ZFP30: variants seen among roughly 807,000 people sequenced by gnomAD.
ZFP30 encodes zinc finger protein 30 homolog.
ZFP30 carries 16 observed loss-of-function variants against 12.3 expected under a neutral mutation model. The observed-to-expected ratio is 1.30, with a 90% CI of 0.88 to 1.98. The LOEUF (loss-of-function observed/expected upper bound fraction) is 1.98. Ranked by LOEUF, ZFP30 falls within the 30% of genes most tolerant of loss-of-function variation. The probability of loss-of-function intolerance (pLI) is 0.00; values close to 1 mark genes in which losing one functional copy is unlikely to be tolerated. For missense variants in ZFP30, 560 were observed against 611.2 expected (o/e 0.92, Z 0.88); for synonymous variants, 172 against 201.0 (o/e 0.86, Z 1.22).
rs1360557779 is a variant in ZFP30, at chr19:37,644,635, C to T, written c.111G>A (p.Glu37=). Residue 37 remains glutamate, a synonymous_variant, in exon 4 of 6, where the codon GAG becomes GAA. Coordinates refer to ENST00000684514, the MANE Select transcript of ZFP30 (RefSeq NM_001320669.3). ...QRNLYRDVIL[E]NYSNLVSLAG... ...CCAGTGACACCAAGTTGCTATAGTT[C>T]TCTAATATCACATCTCTGTACAAAT... 3 of 1,609,036 alleles carry T rather than the reference C, an allele frequency of 1.9e-6. No homozygotes were observed. The highest frequency in any genetic ancestry group is 2.7e-5 in the African/African-American group (2 of 74,582).
intron 2 of ZFP30, among the ~76,000 whole-genome samples, 178 bp downstream of exon 2, chr19:37,654,534 G>A (rs62108289): frequency 0.072 from 11,019 of 152,172 alleles, 566 homozygotes; most frequent in African/African-American, 0.13. Flanking sequence ...TCTAACTATA[G>A]AACAGCATGA....
intron 3 of ZFP30, among the ~76,000 whole-genome samples, chr19:37,646,196 G>T (rs1178574535): frequency 3.3e-5 from 5 of 152,088 alleles, no homozygotes; most frequent in Non-Finnish European, 7.4e-5. Context: ...CATAAATATA[G>T]GGTTCCATAC....
chr19:37,641,250 C>T (rs764871209), intron 5 of ZFP30, among the ~76,000 whole-genome samples: 3 of 152,218 alleles, frequency 2.0e-5, no homozygotes, highest in Admixed American at 1.3e-4. Flanking sequence ...ATCAATGTTC[C>T]TCTCTTTGAA....
intron 2 of ZFP30, among the ~76,000 whole-genome samples, chr19:37,652,798 G>T (rs994038491): frequency 7.2e-5 from 11 of 151,956 alleles, no homozygotes; most frequent in African/African-American, 2.7e-4. Context: ...TAAATGACTG[G>T]GAAGATAGGC....
chr19:37,645,676 T>G (rs2054120401), intron 3 of ZFP30, among the ~76,000 whole-genome samples: 1 of 151,572 alleles, frequency 6.6e-6, no homozygotes, highest in South Asian at 2.1e-4. Context: ...TGAAATAGGT[T>G]CATAGGAACA....
intron 5 of ZFP30, among the ~76,000 whole-genome samples, chr19:37,641,955 T>C (rs2044444360): frequency 1.3e-5 from 2 of 152,336 alleles, no homozygotes; most frequent in South Asian, 4.1e-4. Context: ...CTCTGTCTTC[T>C]TCCCGTAAGT....
At chr19:37,640,590 TAAA>T (rs1281289135) in intron 5 of ZFP30, among the ~76,000 whole-genome samples, 5 of 151,300 alleles carry the variant, frequency 3.3e-5, no homozygotes, top group Non-Finnish European at 2.9e-5. Context: ...CAGCTTTAAT[TAAA>T]AATAAAATAG....
At position 37,631,740 on chromosome 19, in the gene ZFP30, G is replaced by C. The variant is rs976046421; in HGVS notation, c.*3241C>G. ...ATTGAGATGATACTGGGCCAGAATC[G>C]TATCTCTTTTACTATCATTATGATG... On this transcript the variant is annotated 3_prime_UTR_variant, in exon 6 of 6. Transcript: ENST00000684514. 3 of 149,300 alleles carry C rather than the reference G, an allele frequency of 2.0e-5. No homozygotes were observed. Among genetic ancestry groups the C allele is most frequent in the Admixed American group, 6.7e-5 (1 of 15,016 alleles). 9.2% of individuals were successfully genotyped at this position (149,300 alleles called of 1,614,324 possible).
chr19:37,645,200 G>A (rs534138371), intron 3 of ZFP30, among the ~76,000 whole-genome samples: 21 of 150,594 alleles, frequency 1.4e-4, no homozygotes, highest in African/African-American at 4.9e-4. Flanking sequence ...GCGACAGAGC[G>A]AGACTCCGTC....
At chr19:37,648,978 C>T (rs867132786) in intron 2 of ZFP30, among the ~76,000 whole-genome samples, 2 of 152,280 alleles carry the variant, frequency 1.3e-5, no homozygotes, top group Middle Eastern at 3.4e-3. Flanking sequence ...TGGCTCATGC[C>T]TGTAGTCCCA....
In ZFP30 at chr19:37,635,938, G is replaced by A. The variant is rs754846273; in HGVS notation, c.603C>T (p.Leu201=). 1.2e-6 allele frequency: 2 copies of A among 1,613,840 alleles called. No individual in the cohort carries two copies. Among genetic ancestry groups the A allele is most frequent in the Non-Finnish European group, 1.7e-6 (2 of 1,179,952 alleles). ...AAGTATGAATTCTCTGATGTCGACT[G>A]AGGTGGGCACACTGTCTAAAGGCTT... ...CGKAFRQCAH[L]SRHQRIHTSD... is the part of the protein sequence containing the mutation. The change falls in exon 6 of 6, where the codon CTC becomes CTT. Residue 201 remains leucine, a synonymous_variant. Coordinates refer to ENST00000684514, the MANE Select transcript of ZFP30 (RefSeq NM_001320669.3).
intron 2 of ZFP30, among the ~76,000 whole-genome samples, chr19:37,650,993 C>T (rs1385915841): frequency 6.6e-6 from 1 of 152,036 alleles, no homozygotes; most frequent in Non-Finnish European, 1.5e-5. Context: ...CCACCAGCCT[C>T]GGCCTCCCAA....
At chr19:37,649,830 A>G (rs1568387332) in intron 2 of ZFP30, among the ~76,000 whole-genome samples, 1 of 70,898 alleles carries the variant, frequency 1.4e-5, no homozygotes, top group Non-Finnish European at 3.8e-5. Flanking sequence ...TCTTAAAAAA[A>G]AAAGAAAGAA....
At chr19:37,649,378 A>G (rs1437663842) in intron 2 of ZFP30, among the ~76,000 whole-genome samples, 8 of 152,204 alleles carry the variant, frequency 5.3e-5, no homozygotes, top group Admixed American at 3.9e-4. Flanking sequence ...ATGACACCTC[A>G]TAGTTACTAA....
intron 5 of ZFP30, among the ~76,000 whole-genome samples, chr19:37,637,441 G>A (rs2044352316): frequency 6.6e-6 from 1 of 151,230 alleles, no homozygotes; most frequent in South Asian, 2.1e-4. Context: ...CACCTGCCTC[G>A]GCCTCCCAAA....
intron 3 of ZFP30, 39 bp from the exon 4 acceptor site, chr19:37,644,775 G>A: frequency 6.3e-7 from 1 of 1,585,972 alleles, no homozygotes; most frequent in Non-Finnish European, 8.6e-7. Flanking sequence ...TAAGATAAAT[G>A]AAAATATTTT....
intron 2 of ZFP30, among the ~76,000 whole-genome samples, chr19:37,653,191 G>A (rs1169960833): frequency 6.6e-6 from 1 of 151,656 alleles, no homozygotes; most frequent in Non-Finnish European, 1.5e-5. Context: ...TGACAACAGG[G>A]AAATCAGTGT....
At chr19:37,636,594 G>A (rs967409574) in intron 5 of ZFP30, among the ~76,000 whole-genome samples, 1 of 152,152 alleles carries the variant, frequency 6.6e-6, no homozygotes, top group East Asian at 1.9e-4. Context: ...TACTTTATCA[G>A]GAGTAACATG....
In ZFP30 at chr19:37,635,511, GGA is replaced by G. The variant is rs2044304816; in HGVS notation, c.1028_1029del (p.Leu343ProfsTer8). On this transcript the variant is annotated frameshift_variant, in exon 6 of 6. Coordinates refer to ENST00000684514, the MANE Select transcript of ZFP30 (RefSeq NM_001320669.3). LOFTEE classifies it low-confidence loss of function (END_TRUNC). ...KAFRVRQQLT[L>X]HQRIHTGEKP... is the part of the protein sequence containing the mutation. ...TTCTCACCAGTGTGAATTCTCTGATGGAGAGTAAGTTGCTGCCGCACTCTAAA... is the reference window on the plus strand; with the variant it reads ...TTCTCACCAGTGTGAATTCTCTGATGGAGTAAGTTGCTGCCGCACTCTAAA... 6.2e-7 allele frequency: 1 copy of G among 1,614,088 alleles called. No homozygotes were observed.
Sources: allele counts gnomAD v4.1 joint callset (sites outside exome capture counted in the v4.1 genomes callset), GRCh38; gene constraint gnomAD v4.1.1; transcripts MANE v1.5; gene names NCBI Gene and HGNC (gene_info 2026-07-23, HGNC 2026-07-21).